FHIT: variants seen among roughly 807,000 people sequenced by gnomAD.
The protein encoded by FHIT is bis(5'-adenosyl)-triphosphatase.
A neutral mutation model predicts 17.9 loss-of-function variants in FHIT; 19 were observed. The observed-to-expected ratio is 1.06, with a 90% confidence interval of 0.74 to 1.56. The LOEUF is 1.56. Ranked by LOEUF, FHIT falls within the 40% of genes most tolerant of loss-of-function variation. FHIT has a pLI of 0.00. For synonymous variants in FHIT, 81 were observed against 69.7 expected, an observed-to-expected ratio of 1.16 and a Z score of -0.81; for missense variants, 248 against 189.2, an observed-to-expected ratio of 1.31 and a Z score of -1.82.
At chr3:60,466,870 G>A (rs2032826449) in intron 5 of FHIT, among the ~76,000 whole-genome samples, 1 of 149,922 alleles carries the variant, frequency 6.7e-6, no homozygotes, top group Admixed American at 6.6e-5. Context: ...TTTTGTATCA[G>A]GGTGATACTA....
At chr3:60,732,811 G>A (rs556049088) in intron 4 of FHIT, among the ~76,000 whole-genome samples, 10 of 149,644 alleles carry the variant, frequency 6.7e-5, no homozygotes, top group South Asian at 2.1e-4. Context: ...CTCAGTCTCC[G>A]GAGTAGCTGG....
At chr3:60,325,364 T>A (rs11927427) in intron 5 of FHIT, among the ~76,000 whole-genome samples, 2 of 152,210 alleles carry the variant, frequency 1.3e-5, no homozygotes, top group Non-Finnish European at 2.9e-5. Context: ...ATATGCAGTA[T>A]GAGTATTAGA....
At chr3:60,744,263 C>CAAAAAAAAAAAAAAAAA (rs1201886354) in intron 4 of FHIT, among the ~76,000 whole-genome samples, 21 of 85,968 alleles carry the variant, frequency 2.4e-4, no homozygotes, top group East Asian at 5.5e-4. Flanking sequence ...AAAAACAAAA[C>CAAAAAAAAAAAAAAAAA]AAAACAAAAA....
chr3:60,694,773 A>G (rs1175241404), intron 4 of FHIT, among the ~76,000 whole-genome samples: 3 of 152,192 alleles, frequency 2.0e-5, no homozygotes, highest in Non-Finnish European at 4.4e-5. Context: ...AGGGACATGG[A>G]TGAAGCTGGA....
chr3:59,898,878 A>T (rs1026356159), intron 8 of FHIT, among the ~76,000 whole-genome samples: 2 of 152,218 alleles, frequency 1.3e-5, no homozygotes, highest in African/African-American at 4.8e-5. Flanking sequence ...CAGGTATTAT[A>T]CTAGGCAATT....
chr3:60,627,149 A>G (rs2107764516), intron 4 of FHIT, among the ~76,000 whole-genome samples: 1 of 152,158 alleles, frequency 6.6e-6, no homozygotes, highest in East Asian at 1.9e-4. Flanking sequence ...GTTTCCTTGC[A>G]TTGTGATGTC....
chr3:60,567,859 G>A (rs4679548), intron 4 of FHIT, among the ~76,000 whole-genome samples: 56,075 of 151,284 alleles, frequency 0.37, 9,946 homozygotes, highest in Admixed American at 0.46. Flanking sequence ...TGAAAAAAAC[G>A]CTCATCATCA....
At chr3:60,537,971 G>GTGAAATATA (rs1317493610) in intron 4 of FHIT, among the ~76,000 whole-genome samples, 1 of 54,552 alleles carries the variant, frequency 1.8e-5, no homozygotes, top group Non-Finnish European at 3.8e-5. Flanking sequence ...TTTGTGATAT[G>GTGAAATATA]CATTTGGTTT....
chr3:60,629,353 A>G (rs1352686361), intron 4 of FHIT, among the ~76,000 whole-genome samples: 4 of 152,192 alleles, frequency 2.6e-5, no homozygotes, highest in East Asian at 1.9e-4. Context: ...ATTTGCTCAC[A>G]TAAGTGCTTT....
At chr3:59,758,623 G>A (rs1575608725) in intron 8 of FHIT, among the ~76,000 whole-genome samples, 2 of 152,158 alleles carry the variant, frequency 1.3e-5, no homozygotes, top group South Asian at 2.1e-4. Flanking sequence ...AGAAAGAGAA[G>A]AGCCATCCAG....
chr3:61,097,894 T>C (rs531355800), intron 2 of FHIT, among the ~76,000 whole-genome samples: 1 of 152,348 alleles, frequency 6.6e-6, no homozygotes, highest in South Asian at 2.1e-4. Context: ...TCCCATTCTG[T>C]AGGTTGTCTA....
chr3:60,540,933 C>T (rs541889041), intron 4 of FHIT, among the ~76,000 whole-genome samples: 87 of 152,306 alleles, frequency 5.7e-4, no homozygotes, highest in African/African-American at 2.1e-3. Flanking sequence ...GCATCAGCAT[C>T]ACTTGGGAAC....
intron 5 of FHIT, among the ~76,000 whole-genome samples, chr3:60,481,289 G>C (rs1427601780): frequency 6.6e-6 from 1 of 152,146 alleles, no homozygotes; most frequent in Non-Finnish European, 1.5e-5. Flanking sequence ...AACCTAGCAA[G>C]ACAGACCAAC....
intron 4 of FHIT, among the ~76,000 whole-genome samples, chr3:60,685,935 G>A (rs1248149880): frequency 6.6e-6 from 1 of 152,052 alleles, no homozygotes; most frequent in Non-Finnish European, 1.5e-5. Context: ...TTTACATAAG[G>A]ATCTGAGTTT....
intron 4 of FHIT, among the ~76,000 whole-genome samples, chr3:60,721,290 T>C (rs531007453): frequency 6.6e-6 from 1 of 152,192 alleles, no homozygotes; most frequent in Non-Finnish European, 1.5e-5. Context: ...AACCTTCTGC[T>C]ATGTAAAAAC....
At chr3:59,945,636 G>C (rs905283988) in intron 7 of FHIT, among the ~76,000 whole-genome samples, 3 of 151,420 alleles carry the variant, frequency 2.0e-5, no homozygotes, top group African/African-American at 7.3e-5. Flanking sequence ...TTATCTTCCA[G>C]AGTTTTTACA....
intron 5 of FHIT, among the ~76,000 whole-genome samples, chr3:60,168,666 T>C (rs923104333): frequency 1.3e-5 from 2 of 152,230 alleles, no homozygotes; most frequent in African/African-American, 2.4e-5. Flanking sequence ...AACCGTGTTT[T>C]TGAAAGGTAA....
At chr3:60,140,434 A>T (rs1463825875) in intron 5 of FHIT, among the ~76,000 whole-genome samples, 1 of 152,124 alleles carries the variant, frequency 6.6e-6, no homozygotes, top group Non-Finnish European at 1.5e-5. Flanking sequence ...GTGAGGGGGA[A>T]AAAGTTGCTC....
chr3:60,679,414 A>G (rs1286671732), intron 4 of FHIT, among the ~76,000 whole-genome samples: 3 of 152,206 alleles, frequency 2.0e-5, no homozygotes, highest in Non-Finnish European at 4.4e-5. Flanking sequence ...TCACTCAGAG[A>G]TAAACATTGA....
Sources: allele counts gnomAD v4.1 joint callset (sites outside exome capture counted in the v4.1 genomes callset), GRCh38; gene constraint gnomAD v4.1.1; transcripts MANE v1.5; gene names NCBI Gene and HGNC (gene_info 2026-07-23, HGNC 2026-07-21).